Variants in CRYBG3 observed in about 807,000 individuals in gnomAD.
CRYBG3 encodes very large A-kinase anchor protein.
CRYBG3 carries 127 observed loss-of-function variants against 244.2 expected under a neutral mutation model. The ratio of observed to expected loss-of-function variants is 0.52; its 90% CI spans 0.45 to 0.60. CRYBG3 has a LOEUF of 0.60. CRYBG3 is among the 20% of genes least tolerant of loss of function. The probability of loss-of-function intolerance (pLI) is 0.00; values close to 1 mark genes in which losing one functional copy is unlikely to be tolerated. For missense variants in CRYBG3, 3,325 were observed against 3,442.5 expected (o/e 0.97, Z 0.85); for synonymous variants, 1,132 against 1,195.8 (o/e 0.95, Z 1.10).
Position 97,881,267 on chromosome 3 carries a change from A to G in CRYBG3, c.7152+48A>G, listed in dbSNP as rs777660449. On this transcript the variant is annotated intron_variant, in intron 7 of 21. Transcript: ENST00000389622. Reference sequence around the variant, plus strand: ...TTTTTTATTTGATTTTATTTATCATATAGTAAACCTGTGCTGTGGCCTGGC... The same window carrying G: ...TTTTTTATTTGATTTTATTTATCATGTAGTAAACCTGTGCTGTGGCCTGGC... The G allele has an allele frequency of 2.9e-6, 4 of 1,360,146 alleles. No homozygotes were observed. The African/African-American group carries it at 6.0e-5, about 20-fold the overall frequency. The allele number at this position is 1,360,146 out of a possible 1,614,324, so 84.3% of individuals were successfully genotyped here. A position where few individuals can be genotyped will look rare whatever the true frequency, so the allele number is the denominator to read the frequency against.
In CRYBG3 at chr3:97,877,412, T is replaced by C. The variant is rs760657874; in HGVS notation, c.6218T>C (p.Val2073Ala). The change falls in exon 4 of 22, where the codon GTG becomes GCG. Residue 2073 changes from valine (V) to alanine (A), a missense_variant. Val to Ala is a moderately conservative substitution (Grantham distance 64, BLOSUM62 0). Coordinates refer to ENST00000389622, the MANE Select transcript of CRYBG3 (RefSeq NM_153605.4). ...GATAGTTCAGAAATGTTCTTATCAG[T>C]GGAGGCCAAAAGGTACAAAATTTAT... is the stretch of plus-strand genomic sequence containing the variant. ...DSDSSEMFLS[V>A]EAKRYKIYPL... The C allele has an allele frequency of 6.2e-7, 1 of 1,614,182 alleles. No homozygotes were observed. The highest frequency in any genetic ancestry group is 1.1e-5 in the South Asian group (1 of 91,082).
intron 2 of CRYBG3, among the ~76,000 whole-genome samples, chr3:97,849,393 A>G (rs1449946086): frequency 6.6e-6 from 1 of 152,116 alleles, no homozygotes. Flanking sequence ...GGCATACCAT[A>G]TTCAACTTTA....
intron 12 of CRYBG3, 71 bp from the exon 13 acceptor site, chr3:97,898,812 T>C (rs1431552743): frequency 5.5e-6 from 6 of 1,088,448 alleles, no homozygotes; most frequent in Non-Finnish European, 7.8e-6. Flanking sequence ...TATGTGATAT[T>C]TTGCTAGATA....
At position 97,898,960 on chromosome 3, in the gene CRYBG3, A is replaced by C; in HGVS notation, c.7779A>C (p.Glu2593Asp). Residue 2593 changes from glutamate to aspartate, a missense_variant, in exon 13 of 22, where the codon GAA becomes GAC. By Grantham distance (45) the Glu-to-Asp change is conservative (BLOSUM62 2). Coordinates refer to ENST00000389622, the MANE Select transcript of CRYBG3 (RefSeq NM_153605.4). ...AGTTTATTGACATTACAAATCAGGA[A>C]ATTTCTGATTTGGAAGAAATTGGCT... ...SGKFIDITNQ[E>D]ISDLEEIGFG... 1 of 1,612,990 alleles carries C rather than the reference A, an allele frequency of 6.2e-7. No homozygotes were observed. Among genetic ancestry groups the C allele is most frequent in the African/African-American group, 1.3e-5 (1 of 75,012 alleles).
chr3:97,893,507 C>T (rs1046407857), intron 11 of CRYBG3, among the ~76,000 whole-genome samples: 1 of 152,242 alleles, frequency 6.6e-6, no homozygotes, highest in African/African-American at 2.4e-5. Context: ...GTGTAACCAT[C>T]ATTGCTACCA....
At chr3:97,916,835 T>C (rs2039934021) in intron 17 of CRYBG3, among the ~76,000 whole-genome samples, 1 of 152,030 alleles carries the variant, frequency 6.6e-6, no homozygotes, top group East Asian at 1.9e-4. Flanking sequence ...GACACCAACA[T>C]GGAAAGAATA....
chr3:97,874,501 T>C lies in CRYBG3; in HGVS notation c.3307T>C (p.Leu1103=). Residue 1103 remains leucine, a synonymous_variant, in exon 4 of 22, where the codon TTG becomes CTG. Transcript: ENST00000389622. ...TGAAGGTACCTCTGTAACTAACCTGTTGTACCCTACTACCTCTTATTTGGA... is the reference window on the plus strand; with the variant it reads ...TGAAGGTACCTCTGTAACTAACCTGCTGTACCCTACTACCTCTTATTTGGA... ...THEGTSVTNL[L]YPTTSYLEFE... is the part of the protein sequence containing the mutation. 1.3e-6 allele frequency: 2 copies of C among 1,534,902 alleles called. No individual in the cohort carries two copies. Among genetic ancestry groups the C allele is most frequent in the Non-Finnish European group, 1.7e-6 (2 of 1,146,372 alleles).
intron 1 of CRYBG3, chr3:97,840,815 G>A (rs2038801007): frequency 1.3e-5 from 2 of 152,022 alleles, no homozygotes; most frequent in Non-Finnish European, 2.9e-5. Flanking sequence ...ATAGATTGTA[G>A]TTAGAGAATT....
rs1454649581 is a variant in CRYBG3, at chr3:97,877,244, A to G, written c.6050A>G (p.Glu2017Gly). 1.9e-6 allele frequency: 3 copies of G among 1,613,942 alleles called. No homozygotes were observed. Among genetic ancestry groups the G allele is most frequent in the Non-Finnish European group, 2.5e-6 (3 of 1,179,850 alleles). The change falls in exon 4 of 22, where the codon GAA (glutamate) becomes GGA (glycine). Residue 2017 changes from glutamate (E) to glycine (G), a missense_variant. Physicochemically the swap from Glu to Gly is moderately conservative, Grantham distance 98 (BLOSUM62 -2). This residue lies in a region of CRYBG3 where 450 missense variants were observed against 424.1 expected (regional missense o/e 1.06). Transcript: ENST00000389622. ...GAGGAGGACAAGTATGCTTCCGCAG[A>G]AGCAAGACAAACACAGTCTGTCTTG... ...LQEEDKYASA[E>G]ARQTQSVLFH... is the part of the protein sequence containing the mutation.
chr3:97,876,347 A>G lies in CRYBG3; in HGVS notation c.5153A>G (p.Tyr1718Cys), dbSNP rs2108218609. Residue 1718 changes from tyrosine to cysteine, a missense_variant, in exon 4 of 22, where the codon TAC becomes TGC. Around this residue, in one of 4 missense-constraint regions of CRYBG3, gnomAD observed 635 missense variants for 771.7 expected, o/e 0.82. Coordinates refer to ENST00000389622, the MANE Select transcript of CRYBG3 (RefSeq NM_153605.4). The stretch of plus-strand genomic sequence containing the variant: ...GTTACATTAGCAATGGAAAATACTT[A>G]CCAAAAGGATGCTGAAGGGGATATT... ...IPVTLAMENT[Y>C]QKDAEGDIGK... The G allele has an allele frequency of 8.1e-7, 1 of 1,232,092 alleles. No homozygotes were observed. The highest frequency in any genetic ancestry group is 3.2e-5 in the East Asian group (1 of 31,698). The allele number at this position is 1,232,092 out of a possible 1,614,324, so 76.3% of individuals were successfully genotyped here.
At position 97,904,670 on chromosome 3, in the gene CRYBG3, AT is replaced by A. The variant is rs958984720; in HGVS notation, c.8004+4193del. Among the ~76,000 whole-genome samples the A allele has an allele frequency of 1.0e-4, 15 of 146,928 alleles. 1 individual carries two copies. The highest frequency in any genetic ancestry group is 2.0e-4 in the East Asian group (1 of 4,998). ...CTCATGCGGCTTTTCTTTTATTTTT[AT>A]TTTTTTTATTTTTTATTTTTTTATT... On this transcript the variant is annotated intron_variant, in intron 15 of 21. Transcript: ENST00000389622.
At chr3:97,879,646 TTA>T in intron 4 of CRYBG3, 56 bp from the exon 5 acceptor site, 1 of 1,201,844 alleles carries the variant, frequency 8.3e-7, no homozygotes, top group Non-Finnish European at 1.2e-6. Flanking sequence ...AGAAAATGAA[TTA>T]TGCATCTTTT....
At chr3:97,830,252 G>T (rs2038636880) in intron 1 of CRYBG3, among the ~76,000 whole-genome samples, 1 of 152,160 alleles carries the variant, frequency 6.6e-6, no homozygotes, top group African/African-American at 2.4e-5. Context: ...CTACTTCTAG[G>T]ATGCACAAAT....
rs776264250 is a variant in CRYBG3, at chr3:97,942,461, C to A, written c.8824+18C>A. On this transcript the variant is annotated intron_variant, in intron 21 of 21. Coordinates refer to ENST00000389622, the MANE Select transcript of CRYBG3 (RefSeq NM_153605.4). The stretch of plus-strand genomic sequence containing the variant: ...TGTTAAAGGTGGGCCTTTGATGATA[C>A]CCAATGTTGTGTCCCTGGATATTAG... The A allele has an allele frequency of 6.3e-7, 1 of 1,592,340 alleles. No homozygotes were observed. The highest frequency in any genetic ancestry group is 2.3e-5 in the East Asian group (1 of 44,394).
chr3:97,905,205 C>T (rs903189322), intron 15 of CRYBG3, among the ~76,000 whole-genome samples: 3 of 151,854 alleles, frequency 2.0e-5, no homozygotes, highest in African/African-American at 4.8e-5. Flanking sequence ...AATAAATATA[C>T]GTGTGCATGT....
chr3:97,908,645 G>C (rs2108247350), intron 15 of CRYBG3, among the ~76,000 whole-genome samples: 1 of 152,214 alleles, frequency 6.6e-6, no homozygotes, highest in African/African-American at 2.4e-5. Context: ...GTGTGTCTCT[G>C]CACATGAGAT....
At chr3:97,896,819 A>G (rs1435903622) in intron 12 of CRYBG3, among the ~76,000 whole-genome samples, 3 of 152,212 alleles carry the variant, frequency 2.0e-5, no homozygotes, top group Non-Finnish European at 4.4e-5. Context: ...ACAAAGAATT[A>G]CACGGTCCCC....
At chr3:97,896,766 G>A (rs944908805) in intron 12 of CRYBG3, among the ~76,000 whole-genome samples, 3 of 152,114 alleles carry the variant, frequency 2.0e-5, no homozygotes, top group Non-Finnish European at 4.4e-5. Flanking sequence ...TAGAGGCAAC[G>A]GTTGCTGCCA....
chr3:97,878,577 G>A (rs1291676708), intron 4 of CRYBG3, among the ~76,000 whole-genome samples: 1 of 152,192 alleles, frequency 6.6e-6, no homozygotes, highest in East Asian at 1.9e-4. Flanking sequence ...GCATAATACT[G>A]AAGCAAGGTT....
Sources: allele counts gnomAD v4.1 joint callset (sites outside exome capture counted in the v4.1 genomes callset), GRCh38; gene constraint gnomAD v4.1.1; regional missense constraint gnomAD v4.1.1; transcripts MANE v1.5; gene names NCBI Gene and HGNC (gene_info 2026-07-23, HGNC 2026-07-21).